Variants in AGAP1 observed in about 807,000 individuals in gnomAD.
AGAP1 encodes the protein ArfGAP with GTPase domain, ankyrin repeat and PH domain 1.
In AGAP1, 29 loss-of-function variants were observed where a neutral mutation model predicts 105.3. The ratio of observed to expected loss-of-function variants is 0.28; its 90% confidence interval spans 0.21 to 0.38. The LOEUF is 0.38. Among genes scored for constraint, AGAP1 ranks in the 10% least tolerant of loss-of-function variants. The pLI is 1.00. For missense variants in AGAP1, 998 were observed against 1,165.1 expected (o/e 0.86, Z 2.09); for synonymous variants, 509 against 485.9 (o/e 1.05, Z -0.63).
chr2:235,783,517 G>T (rs991450061), intron 6 of AGAP1: 1 of 362,158 alleles, frequency 2.8e-6, no homozygotes, highest in Non-Finnish European at 5.5e-6. Flanking sequence ...ACCTTGTGAC[G>T]TCCCTGTCAT....
intron 6 of AGAP1, among the ~76,000 whole-genome samples, chr2:235,773,253 C>A (rs1955597441): frequency 6.6e-6 from 1 of 152,102 alleles, no homozygotes; most frequent in Non-Finnish European, 1.5e-5. Flanking sequence ...GAAGTCATGG[C>A]CCCCAGTCAG....
Position 236,036,467 on chromosome 2 carries a change from A to C in AGAP1, c.1646-94A>C. On this transcript the variant is annotated intron_variant, in intron 13 of 17. Transcript: ENST00000304032. The surrounding 1 kb of genome is among the most constrained non-coding windows in gnomAD (Gnocchi z 5.7). ...GCGCCTCACCGGTCCATGCAGGGGC[A>C]GCTGAACCCAGAGGCGCTTCTGTGA... is the stretch of plus-strand genomic sequence containing the variant. 1 of 1,505,976 alleles carries C rather than the reference A, an allele frequency of 6.6e-7. No homozygotes were observed. The highest frequency in any genetic ancestry group is 9.0e-7 in the Non-Finnish European group (1 of 1,113,024). The allele number at this position is 1,505,976 out of a possible 1,614,324, so 93.3% of individuals were successfully genotyped here.
intron 13 of AGAP1, among the ~76,000 whole-genome samples, chr2:235,991,794 A>C (rs979510807): frequency 1.3e-5 from 2 of 152,306 alleles, no homozygotes; most frequent in East Asian, 3.9e-4. Flanking sequence ...TTTTGCTGAA[A>C]TATTTCTTGT....
chr2:235,751,602 A>C lies in AGAP1; in HGVS notation c.673+1114A>C, dbSNP rs1953446105. Reference sequence around the variant, plus strand: ...ATGTTTAAATTAGTCTTCAGATGAAATTGTAGGGATTCTGTACATTCACTG... The same window carrying C: ...ATGTTTAAATTAGTCTTCAGATGAACTTGTAGGGATTCTGTACATTCACTG... On this transcript the variant is annotated intron_variant, in intron 6 of 17. Transcript: ENST00000304032. This position sits in a 1 kb window ranked among gnomAD's most constrained non-coding sequence, Gnocchi z 5.3. Among the ~76,000 whole-genome samples, 1 of 152,194 alleles carries C rather than the reference A, an allele frequency of 6.6e-6. No homozygotes were observed. Among genetic ancestry groups the C allele is most frequent in the African/African-American group, 2.4e-5 (1 of 41,456 alleles).
At position 236,027,147 on chromosome 2, in the gene AGAP1, A is replaced by G. The variant is rs10200358; in HGVS notation, c.1646-9414A>G. Among the ~76,000 whole-genome samples the G allele has an allele frequency of 0.67, 102,091 of 152,072 alleles. 36,396 individuals are homozygous for G. The highest frequency in any genetic ancestry group is 0.92 in the African/African-American group (38,217 of 41,526). ...TATGCAGTTGCTCTATAATCCTTGTACTTATTTTTTTTAATCTTGGGAGGC... is the reference window on the plus strand; with the variant it reads ...TATGCAGTTGCTCTATAATCCTTGTGCTTATTTTTTTTAATCTTGGGAGGC... On this transcript the variant is annotated intron_variant, in intron 13 of 17. Transcript: ENST00000304032. This position sits in a 1 kb window ranked among gnomAD's most constrained non-coding sequence, Gnocchi z 4.4.
At chr2:235,808,795 A>G (rs1957977392) in intron 9 of AGAP1, among the ~76,000 whole-genome samples, 1 of 152,156 alleles carries the variant, frequency 6.6e-6, no homozygotes, top group Admixed American at 6.5e-5. Context: ...TCTTCCCTCC[A>G]TATATTCAAA....
At chr2:235,688,121 C>G (rs568619503) in intron 1 of AGAP1, among the ~76,000 whole-genome samples, 1 of 152,186 alleles carries the variant, frequency 6.6e-6, no homozygotes, top group South Asian at 2.1e-4. Context: ...AGGCTGGTCT[C>G]AAAGTCCCAA....
chr2:235,919,138 G>T lies in AGAP1; in HGVS notation c.1324+10232G>T, dbSNP rs990733670. ...AGCTGTGGGAAAGAGGAGGTGCCCG[G>T]AAGAGCCTCTGTGAATTACCCGCGC... is the stretch of plus-strand genomic sequence containing the variant. On this transcript the variant is annotated intron_variant, in intron 11 of 17. Coordinates refer to ENST00000304032, the MANE Select transcript of AGAP1 (RefSeq NM_001037131.3). This position sits in a 1 kb window ranked among gnomAD's most constrained non-coding sequence, Gnocchi z 4.1. Among the ~76,000 whole-genome samples, 2 of 152,124 alleles carry T rather than the reference G, an allele frequency of 1.3e-5. No individual in the cohort carries two copies. Among genetic ancestry groups the T allele is most frequent in the African/African-American group, 2.4e-5 (1 of 41,426 alleles).
chr2:235,540,648 A>G (rs1034251799), intron 1 of AGAP1, among the ~76,000 whole-genome samples: 1 of 152,208 alleles, frequency 6.6e-6, no homozygotes, highest in Non-Finnish European at 1.5e-5. Context: ...TTCCCCTTGC[A>G]GTGCTGGGAG....
chr2:236,112,022 G>A (rs529988269), intron 16 of AGAP1, among the ~76,000 whole-genome samples: 10 of 152,260 alleles, frequency 6.6e-5, no homozygotes, highest in Admixed American at 5.2e-4. Context: ...CTTCCCTCGG[G>A]CTTTTACCCC....
At position 235,655,071 on chromosome 2, in the gene AGAP1, C is replaced by CTT. The variant is rs201145604; in HGVS notation, c.164-54095_164-54094dup. Reference sequence around the variant, plus strand: ...TAATTACTATATCCAGAATGATCCTCTTTTTTTTTTTTTTGAGTTGTGTGT... The same window carrying CTT: ...TAATTACTATATCCAGAATGATCCTCTTTTTTTTTTTTTTTTGAGTTGTGTGT... On this transcript the variant is annotated intron_variant, in intron 1 of 17. Coordinates refer to ENST00000304032, the MANE Select transcript of AGAP1 (RefSeq NM_001037131.3). The surrounding 1 kb of genome is among the most constrained non-coding windows in gnomAD (Gnocchi z 4.3). Among the ~76,000 whole-genome samples the CTT allele has an allele frequency of 9.7e-5, 14 of 143,662 alleles. No individual in the cohort carries two copies. Among genetic ancestry groups the CTT allele is most frequent in the African/African-American group, 2.6e-4 (10 of 38,994 alleles). 94.2% of individuals were successfully genotyped at this position (143,662 alleles called of 152,430 possible). A position where few individuals can be genotyped will look rare whatever the true frequency, so the allele number is the denominator to read the frequency against.
chr2:235,945,541 A>G (rs765453754), intron 12 of AGAP1, among the ~76,000 whole-genome samples: 4 of 152,038 alleles, frequency 2.6e-5, no homozygotes, highest in Non-Finnish European at 4.4e-5. Context: ...GTTAACTACC[A>G]TTTCTCTTTG....
At chr2:235,592,312 CA>C in intron 1 of AGAP1, among the ~76,000 whole-genome samples, 6 of 150,068 alleles carry the variant, frequency 4.0e-5, no homozygotes, top group African/African-American at 1.2e-4. Flanking sequence ...TTCTGGGGGG[CA>C]GTGAGCAGGA....
chr2:235,997,961 T>A (rs1328914156), intron 13 of AGAP1, among the ~76,000 whole-genome samples: 1 of 152,206 alleles, frequency 6.6e-6, no homozygotes, highest in African/African-American at 2.4e-5. Context: ...TTGGATGCAG[T>A]TAGGTCACTG....
In AGAP1 at chr2:235,877,772, G is replaced by A. The variant is rs147085025; in HGVS notation, c.1051-5573G>A. ...CTTGCATCTCAAATTTGCTCAGACC[G>A]TCTGGGGATCTTGTTACATTTGGAT... On this transcript the variant is annotated intron_variant, in intron 9 of 17. Transcript: ENST00000304032. The surrounding 1 kb of genome is among the most constrained non-coding windows in gnomAD (Gnocchi z 4.3). Among the ~76,000 whole-genome samples the A allele has an allele frequency of 2.7e-3, 408 of 152,310 alleles. 2 individuals are homozygous for A. The highest frequency in any genetic ancestry group is 4.4e-3 in the Non-Finnish European group (300 of 68,026).
Position 235,552,070 on chromosome 2 carries a change from G to A in AGAP1, c.163+57221G>A, listed in dbSNP as rs1442381299. ...GGAAGGAGCCTGCAGGGAACTGTTT[G>A]TTGTGTGCTTGGCTGTTCAGTGCCC... On this transcript the variant is annotated intron_variant, in intron 1 of 17. Coordinates refer to ENST00000304032, the MANE Select transcript of AGAP1 (RefSeq NM_001037131.3). The surrounding 1 kb of genome is among the most constrained non-coding windows in gnomAD (Gnocchi z 5.9). 6.6e-6 allele frequency among the ~76,000 whole-genome samples: 1 copy of A among 152,216 alleles called. No homozygotes were observed. The highest frequency in any genetic ancestry group is 1.5e-5 in the Non-Finnish European group (1 of 68,034).
At chr2:235,641,932 A>C (rs146736807) in intron 1 of AGAP1, among the ~76,000 whole-genome samples, 12 of 152,328 alleles carry the variant, frequency 7.9e-5, no homozygotes, top group Admixed American at 1.3e-4. Context: ...CAGTGGCACA[A>C]GATTCTCTGA....
At chr2:235,846,531 A>G (rs188338256) in intron 9 of AGAP1, among the ~76,000 whole-genome samples, 2 of 151,216 alleles carry the variant, frequency 1.3e-5, no homozygotes, top group East Asian at 3.9e-4. Context: ...GGGTTTTACC[A>G]TTTTGGCCAG....
chr2:235,621,109 C>T lies in AGAP1; in HGVS notation c.164-88070C>T, dbSNP rs1946462990. On this transcript the variant is annotated intron_variant, in intron 1 of 17. Coordinates refer to ENST00000304032, the MANE Select transcript of AGAP1 (RefSeq NM_001037131.3). This position sits in a 1 kb window ranked among gnomAD's most constrained non-coding sequence, Gnocchi z 4.1. Reference sequence around the variant, plus strand: ...CAATCTTGGCTCACTGCAAACTCCACCTCCTAGGTTCAAGCAATTCTCCTG... The same window carrying T: ...CAATCTTGGCTCACTGCAAACTCCATCTCCTAGGTTCAAGCAATTCTCCTG... Among the ~76,000 whole-genome samples the T allele has an allele frequency of 1.3e-5, 2 of 152,144 alleles. No homozygotes were observed. The highest frequency in any genetic ancestry group is 4.1e-4 in the South Asian group (2 of 4,828).
Sources: gnomAD v4.1 joint callset for allele counts (sites outside exome capture counted in the v4.1 genomes callset) on GRCh38, gnomAD v4.1.1 for gene constraint, Gnocchi (gnomAD v3.1) non-coding constraint, MANE v1.5 for transcripts, NCBI Gene and HGNC (gene_info 2026-07-23, HGNC 2026-07-21) for gene names.